The following GPC4 variants were observed in gnomAD, a reference collection of about 807,000 sequenced individuals.
The protein encoded by GPC4 is glypican-4.
A neutral mutation model predicts 35.0 loss-of-function variants in GPC4; 10 were observed. That is an observed-to-expected ratio of 0.29 (90% CI 0.18 to 0.48). The LOEUF is 0.48. GPC4 is among the 20% of genes least tolerant of loss of function. The probability of loss-of-function intolerance (pLI) is 0.99; values close to 1 mark genes in which losing one functional copy is unlikely to be tolerated. For missense variants in GPC4, 322 were observed against 451.3 expected, an observed-to-expected ratio of 0.71 and a Z score of 2.60; for synonymous variants, 167 against 170.2, an observed-to-expected ratio of 0.98 and a Z score of 0.15.
chrX:133,405,404 T>C (rs764883797), intron 1 of GPC4, among the ~76,000 whole-genome samples: 59 of 112,176 alleles, frequency 5.3e-4, no homozygotes, highest in Non-Finnish European at 9.8e-4. Flanking sequence ...TGCCCAGTAA[T>C]GGAACTCTTT....
intron 1 of GPC4, among the ~76,000 whole-genome samples, chrX:133,346,349 CA>C (rs1363146381): frequency 7.2e-5 from 8 of 111,395 alleles, no homozygotes. Context: ...GCCTCATGTC[CA>C]AAGTTTTTCT....
chrX:133,385,920 G>A (rs920255854), intron 1 of GPC4, among the ~76,000 whole-genome samples: 6 of 110,103 alleles, frequency 5.4e-5, no homozygotes, highest in African/African-American at 1.7e-4. Flanking sequence ...GACTGGGATC[G>A]AGGCTTTGCT....
At chrX:133,325,052 T>C (rs918892692) in intron 2 of GPC4, among the ~76,000 whole-genome samples, 2 of 111,304 alleles carry the variant, frequency 1.8e-5, no homozygotes, top group East Asian at 2.8e-4. Flanking sequence ...CACTTATCTA[T>C]ATGATCATGC....
intron 3 of GPC4, among the ~76,000 whole-genome samples, chrX:133,312,657 G>GAAGGAAAGGA (rs368140128): frequency 0.017 from 1,767 of 101,819 alleles, 47 homozygotes; most frequent in African/African-American, 0.063. Context: ...AAGAAAGGAA[G>GAAGGAAAGGA]AAGGAAAGGA....
intron 4 of GPC4, among the ~76,000 whole-genome samples, chrX:133,310,636 C>G (rs1307817488): frequency 8.9e-6 from 1 of 111,906 alleles, no homozygotes; most frequent in Non-Finnish European, 1.9e-5. Flanking sequence ...GAAACAGAAT[C>G]CCTGAATTTC....
At chrX:133,413,647 G>C (rs1181765795) in intron 1 of GPC4, among the ~76,000 whole-genome samples, 1 of 105,760 alleles carries the variant, frequency 9.5e-6, no homozygotes, top group African/African-American at 3.5e-5. Context: ...CCCCGGGCTC[G>C]AATCTCTCAC....
intron 1 of GPC4, among the ~76,000 whole-genome samples, chrX:133,365,552 A>G (rs2068586243): frequency 9.0e-6 from 1 of 111,500 alleles, no homozygotes. Flanking sequence ...GAGGCTGCTG[A>G]GTTTCAGATC....
At chrX:133,368,158 TC>T (rs770902031) in intron 1 of GPC4, among the ~76,000 whole-genome samples, 1 of 112,486 alleles carries the variant, frequency 8.9e-6, no homozygotes, top group African/African-American at 3.2e-5. Context: ...TTGCTGAGAT[TC>T]TTTTGAATAA....
chrX:133,388,938 C>G (rs2068706022), intron 1 of GPC4, among the ~76,000 whole-genome samples: 1 of 100,590 alleles, frequency 9.9e-6, no homozygotes, highest in African/African-American at 3.6e-5. Context: ...AGCACCAGCA[C>G]AGCTACCCAT....
chrX:133,366,092 A>C (rs750532730), intron 1 of GPC4, among the ~76,000 whole-genome samples: 11 of 112,047 alleles, frequency 9.8e-5, no homozygotes, highest in African/African-American at 3.6e-4. Flanking sequence ...CCAAGTCCTT[A>C]TCAGCTTCAT....
intron 1 of GPC4, among the ~76,000 whole-genome samples, chrX:133,390,145 G>A (rs1197227361): frequency 1.8e-5 from 2 of 110,686 alleles, no homozygotes; most frequent in African/African-American, 6.6e-5. Context: ...CTAAGCTACC[G>A]GTCGAACTCC....
intron 2 of GPC4, among the ~76,000 whole-genome samples, chrX:133,335,916 G>A (rs1288181486): frequency 9.0e-6 from 1 of 111,461 alleles, no homozygotes; most frequent in East Asian, 2.8e-4. Flanking sequence ...ATGACAAAAG[G>A]TACTCCCTTG....
chrX:133,384,909 T>C (rs947486394), intron 1 of GPC4, among the ~76,000 whole-genome samples: 1 of 112,221 alleles, frequency 8.9e-6, no homozygotes, highest in East Asian at 2.8e-4. Context: ...AGGAAAGCAC[T>C]GCCTTTTGGG....
intron 1 of GPC4, among the ~76,000 whole-genome samples, chrX:133,339,693 C>T (rs937223446): frequency 8.9e-6 from 1 of 112,218 alleles, no homozygotes; most frequent in Non-Finnish European, 1.9e-5. Flanking sequence ...GTCATGCAAA[C>T]GAGACACAGT....
intron 1 of GPC4, among the ~76,000 whole-genome samples, chrX:133,403,018 C>T (rs191771788): frequency 7.0e-4 from 78 of 110,958 alleles, no homozygotes; most frequent in Admixed American, 6.4e-3. Context: ...ATTTGTCTAC[C>T]GGGATTAAAA....
At chrX:133,324,827 T>TTC (rs1408328314) in intron 2 of GPC4, among the ~76,000 whole-genome samples, 1 of 111,311 alleles carries the variant, frequency 9.0e-6, no homozygotes, top group African/African-American at 3.3e-5. Flanking sequence ...CATGCTCTCA[T>TTC]TCTCTCTCTC....
At chrX:133,412,370 CAAAT>C (rs1237318222) in intron 1 of GPC4, among the ~76,000 whole-genome samples, 1 of 111,930 alleles carries the variant, frequency 8.9e-6, no homozygotes, top group Non-Finnish European at 1.9e-5. Context: ...GTCCTAGACT[CAAAT>C]GAATGCCTCT....
In GPC4 at chrX:133,318,446, CA is replaced by C. The variant is rs760913243; in HGVS notation, c.711+5698del. 3.8e-3 allele frequency among the ~76,000 whole-genome samples: 421 copies of C among 111,248 alleles called. 1 individual carries two copies. The highest frequency in any genetic ancestry group is 6.9e-3 in the Non-Finnish European group (367 of 53,054). On this transcript the variant is annotated intron_variant, in intron 3 of 8. Transcript: ENST00000370828. ...CCTTAACCTGGGAGGTGGGGAGATG[CA>C]AAACTAAGGCAAATAGAAATAAAGA...
At chrX:133,393,903 A>G (rs1424198773) in intron 1 of GPC4, among the ~76,000 whole-genome samples, 1 of 112,096 alleles carries the variant, frequency 8.9e-6, no homozygotes, top group East Asian at 2.8e-4. Flanking sequence ...TAAAACCACA[A>G]AAGCATTTTT....
Sources: allele counts gnomAD v4.1 joint callset (sites outside exome capture counted in the v4.1 genomes callset), GRCh38; gene constraint gnomAD v4.1.1; transcripts MANE v1.5; gene names NCBI Gene and HGNC (gene_info 2026-07-23, HGNC 2026-07-21).